Variants in ADGRB3 observed in about 807,000 individuals in gnomAD.
The protein encoded by ADGRB3 is adhesion G protein-coupled receptor B3.
ADGRB3 carries 37 observed loss-of-function variants against 193.4 expected under a neutral mutation model. The ratio of observed to expected loss-of-function variants is 0.19; its 90% CI spans 0.15 to 0.25. ADGRB3 has a LOEUF of 0.25. ADGRB3 is among the 10% of genes least tolerant of loss of function. The pLI is 1.00. For missense variants in ADGRB3, 1,637 were observed against 1,852.9 expected, an observed-to-expected ratio of 0.88 and a Z score of 2.14; for synonymous variants, 690 against 644.2, an observed-to-expected ratio of 1.07 and a Z score of -1.08.
rs369358462 is a variant in ADGRB3, at chr6:68,711,671, CT to C, written c.757+72240del. On this transcript the variant is annotated intron_variant, in intron 3 of 31. Coordinates refer to ENST00000370598, the MANE Select transcript of ADGRB3 (RefSeq NM_001704.3). ...TTCAGCAAAACTGAGGTTGACTTGA[CT>C]GCTGGGTCTGCTGTTAGCCCATCCC... 4.1e-3 allele frequency among the ~76,000 whole-genome samples: 630 copies of C among 152,212 alleles called. 3 individuals are homozygous for C. The highest frequency in any genetic ancestry group is 0.018 in the South Asian group (85 of 4,826).
At chr6:68,844,053 C>CAAACTATG (rs1367982591) in intron 3 of ADGRB3, among the ~76,000 whole-genome samples, 3 of 152,082 alleles carry the variant, frequency 2.0e-5, no homozygotes, top group Non-Finnish European at 1.5e-5. Context: ...CCTAAGACCT[C>CAAACTATG]AAACTATGAA....
chr6:68,968,713 T>G (rs1393251622), intron 8 of ADGRB3, among the ~76,000 whole-genome samples: 4 of 152,222 alleles, frequency 2.6e-5, no homozygotes, highest in Non-Finnish European at 1.5e-5. Context: ...TCGTTGTATC[T>G]AGAATTCAAT....
chr6:68,647,621 G>A (rs1401100508), intron 3 of ADGRB3, among the ~76,000 whole-genome samples: 1 of 152,158 alleles, frequency 6.6e-6, no homozygotes, highest in African/African-American at 2.4e-5. Context: ...ATGAAGGCAT[G>A]ACTAATAATA....
intron 3 of ADGRB3, among the ~76,000 whole-genome samples, chr6:68,658,146 ATTACT>A (rs1768534759): frequency 6.6e-6 from 1 of 151,274 alleles, no homozygotes; most frequent in Admixed American, 6.6e-5. Flanking sequence ...AGCTGTTATT[ATTACT>A]TTTGTTTTCT....
At chr6:69,067,221 G>A (rs541301748) in intron 16 of ADGRB3, among the ~76,000 whole-genome samples, 3 of 152,074 alleles carry the variant, frequency 2.0e-5, no homozygotes, top group South Asian at 4.2e-4. Flanking sequence ...CTGCTTTCAG[G>A]GTTGAGATAA....
At chr6:68,840,696 C>T (rs1768140179) in intron 3 of ADGRB3, among the ~76,000 whole-genome samples, 1 of 151,882 alleles carries the variant, frequency 6.6e-6, no homozygotes, top group South Asian at 2.1e-4. Context: ...CAAAAACAAA[C>T]AAACAAACAA....
At chr6:68,784,933 A>G (rs992785) in intron 3 of ADGRB3, among the ~76,000 whole-genome samples, 40,506 of 151,896 alleles carry the variant, frequency 0.27, 5,995 homozygotes, top group Middle Eastern at 0.34. Flanking sequence ...TTGAATGTCA[A>G]AATTCTCAGA....
intron 17 of ADGRB3, among the ~76,000 whole-genome samples, chr6:69,121,966 C>T (rs1773708639): frequency 1.2e-5 from 1 of 81,942 alleles, no homozygotes; most frequent in Non-Finnish European, 2.8e-5. Context: ...CCTCACATCC[C>T]AGACGATGGG....
At chr6:68,975,431 T>G (rs1490744319) in intron 10 of ADGRB3, 91 bp downstream of exon 10, 1 of 907,100 alleles carries the variant, frequency 1.1e-6, no homozygotes, top group East Asian at 2.7e-5. Context: ...TACAATCAAA[T>G]CAGTAACATC....
chr6:68,961,995 T>C (rs1421095929), intron 8 of ADGRB3, among the ~76,000 whole-genome samples: 1 of 152,216 alleles, frequency 6.6e-6, no homozygotes. Context: ...TGACTGCATA[T>C]TTTTGGGAAT....
At chr6:69,044,040 CAAA>C (rs1435141223) in intron 13 of ADGRB3, among the ~76,000 whole-genome samples, 12 of 151,648 alleles carry the variant, frequency 7.9e-5, no homozygotes, top group African/African-American at 2.9e-4. Flanking sequence ...GACTCCGTCT[CAAA>C]AAAACAAAAA....
chr6:69,081,568 T>G (rs1315246587), intron 17 of ADGRB3, among the ~76,000 whole-genome samples: 1 of 151,974 alleles, frequency 6.6e-6, no homozygotes, highest in South Asian at 2.1e-4. Flanking sequence ...CTTTTCTGTT[T>G]ATACTATACA....
chr6:69,338,368 G>A (rs558815621), intron 24 of ADGRB3, among the ~76,000 whole-genome samples: 166 of 152,088 alleles, frequency 1.1e-3, no homozygotes, highest in Non-Finnish European at 1.6e-3. Flanking sequence ...AAATGTGGAC[G>A]ATACATATTA....
Position 69,340,109 on chromosome 6 carries a change from T to G in ADGRB3, c.3459+605T>G, listed in dbSNP as rs556927784. Among the ~76,000 whole-genome samples, 5 of 152,282 alleles carry G rather than the reference T, an allele frequency of 3.3e-5. No homozygotes were observed. The East Asian group carries it at 9.7e-4, about 29-fold the overall frequency. On this transcript the variant is annotated intron_variant, in intron 26 of 31. Coordinates refer to ENST00000370598, the MANE Select transcript of ADGRB3 (RefSeq NM_001704.3). ...AGTGAGACATGATAGGCAGTGATTA[T>G]CTCCAAGAACTGTAGAGGTATTATC...
At chr6:69,201,342 G>T (rs573964680) in intron 17 of ADGRB3, among the ~76,000 whole-genome samples, 32 of 152,162 alleles carry the variant, frequency 2.1e-4, no homozygotes, top group Non-Finnish European at 3.1e-4. Flanking sequence ...CCAGGACCTT[G>T]TCCTGGCTGT....
chr6:68,665,187 C>G (rs968922991), intron 3 of ADGRB3, among the ~76,000 whole-genome samples: 1 of 151,250 alleles, frequency 6.6e-6, no homozygotes, highest in Non-Finnish European at 1.5e-5. Context: ...GTGCTCTACA[C>G]GTTCAGAGAA....
At chr6:69,326,304 T>C (rs1028372097) in intron 21 of ADGRB3, among the ~76,000 whole-genome samples, 1 of 152,172 alleles carries the variant, frequency 6.6e-6, no homozygotes, top group Non-Finnish European at 1.5e-5. Flanking sequence ...TTTGTCTAAA[T>C]TTCCTGACAA....
rs6915100 is a variant in ADGRB3, at chr6:69,181,482, C to T, written c.2481-51808C>T. ...ATATGCATTATAAAAACATCTGAGACGGTAAGACATATAGAATTGGAAATA... is the reference window on the plus strand; with the variant it reads ...ATATGCATTATAAAAACATCTGAGATGGTAAGACATATAGAATTGGAAATA... On this transcript the variant is annotated intron_variant, in intron 17 of 31. Transcript: ENST00000370598. Among the ~76,000 whole-genome samples, 630 of 152,078 alleles carry T rather than the reference C, an allele frequency of 4.1e-3. 4 individuals carry two copies. Among genetic ancestry groups the T allele is most frequent in the African/African-American group, 6.5e-3 (268 of 41,498 alleles).
At chr6:68,699,817 G>T (rs959863567) in intron 3 of ADGRB3, among the ~76,000 whole-genome samples, 1 of 151,598 alleles carries the variant, frequency 6.6e-6, no homozygotes, top group Non-Finnish European at 1.5e-5. Context: ...AGCAGTAGGT[G>T]GGGGGCATGG....
Sources: allele counts gnomAD v4.1 joint callset (sites outside exome capture counted in the v4.1 genomes callset), GRCh38; gene constraint gnomAD v4.1.1; transcripts MANE v1.5; gene names NCBI Gene and HGNC (gene_info 2026-07-23, HGNC 2026-07-21).